The following VTCN1 variants were observed in gnomAD, a reference collection of about 807,000 sequenced individuals.
VTCN1 encodes V-set domain containing T cell activation inhibitor 1.
VTCN1 carries 26 observed loss-of-function variants against 26.5 expected under a neutral mutation model. The observed-to-expected ratio is 0.98, with a 90% CI of 0.72 to 1.36. The LOEUF is 1.36. Ranked by LOEUF, VTCN1 falls within the 40% of genes most tolerant of loss-of-function variation. VTCN1 has a pLI of 0.00. For missense variants in VTCN1, 298 were observed against 337.7 expected, an observed-to-expected ratio of 0.88 and a Z score of 0.92; for synonymous variants, 116 against 130.7, an observed-to-expected ratio of 0.89 and a Z score of 0.77.
intron 1 of VTCN1, 121 bp downstream of exon 1, chr1:117,210,703 G>A: frequency 6.4e-6 from 7 of 1,093,054 alleles, no homozygotes; most frequent in Middle Eastern, 2.1e-4. Context: ...CTGGCCCAAT[G>A]CTGGATCAGA....
At chr1:117,191,557 C>A (rs1648245338) in intron 1 of VTCN1, among the ~76,000 whole-genome samples, 1 of 152,054 alleles carries the variant, frequency 6.6e-6, no homozygotes, top group Non-Finnish European at 1.5e-5. Context: ...CCAAGGTGGG[C>A]AGATCACCTG....
At chr1:117,184,243 A>G (rs1435660687) in intron 1 of VTCN1, among the ~76,000 whole-genome samples, 2 of 152,120 alleles carry the variant, frequency 1.3e-5, no homozygotes, top group Non-Finnish European at 2.9e-5. Context: ...CCAAGCTATC[A>G]AGAACCTTAA....
intron 1 of VTCN1, among the ~76,000 whole-genome samples, chr1:117,185,774 T>A (rs1647911541): frequency 1.3e-5 from 2 of 152,264 alleles, no homozygotes; most frequent in Admixed American, 1.3e-4. Flanking sequence ...AGTAACTCTT[T>A]CAACCATTTG....
intron 2 of VTCN1, among the ~76,000 whole-genome samples, chr1:117,158,357 G>A (rs925329833): frequency 2.0e-5 from 3 of 152,168 alleles, no homozygotes; most frequent in East Asian, 3.8e-4. Context: ...GTGGAGGTTC[G>A]CAAACCCCAA....
At chr1:117,189,874 C>T (rs974516446) in intron 1 of VTCN1, among the ~76,000 whole-genome samples, 2 of 148,300 alleles carry the variant, frequency 1.3e-5, no homozygotes, top group Non-Finnish European at 3.0e-5. Context: ...TTGGAATCCA[C>T]GTAGGAGGTT....
intron 4 of VTCN1, among the ~76,000 whole-genome samples, chr1:117,151,568 ATTTTACAGAGTGCTGATTGGTTCAT>A (rs1000868040): frequency 4.6e-5 from 7 of 152,162 alleles, no homozygotes; most frequent in African/African-American, 1.4e-4. Context: ...TGATTGGTCC[ATTTTACAGAGTGCTGATTGGTTCAT>A]TTTTACAGAG....
At chr1:117,154,597 AAC>A (rs1651970167) in intron 3 of VTCN1, among the ~76,000 whole-genome samples, 1 of 152,078 alleles carries the variant, frequency 6.6e-6, no homozygotes, top group Non-Finnish European at 1.5e-5. Flanking sequence ...CAGCCTGACC[AAC>A]ATGAAGAAAC....
chr1:117,187,526 A>G (rs1006796425), intron 1 of VTCN1, among the ~76,000 whole-genome samples: 4 of 152,262 alleles, frequency 2.6e-5, no homozygotes, highest in Admixed American at 2.0e-4. Context: ...GCTTCCCTCC[A>G]GATAATTTTT....
At chr1:117,177,510 G>A (rs1647418244) in intron 1 of VTCN1, among the ~76,000 whole-genome samples, 1 of 152,158 alleles carries the variant, frequency 6.6e-6, no homozygotes, top group Admixed American at 6.6e-5. Context: ...GGCTTGAGGG[G>A]TGTGTGTGGA....
intron 1 of VTCN1, among the ~76,000 whole-genome samples, chr1:117,181,419 C>T (rs12034996): frequency 0.041 from 6,290 of 152,238 alleles, 322 homozygotes; most frequent in East Asian, 0.16. Context: ...TTAAATGCAC[C>T]GAGCTATTTT....
intron 4 of VTCN1, among the ~76,000 whole-genome samples, chr1:117,151,526 C>A (rs1341401305): frequency 2.6e-5 from 4 of 152,308 alleles, no homozygotes; most frequent in South Asian, 4.1e-4. Context: ...GCCCCGCCCA[C>A]TTCCTGCCTA....
intron 4 of VTCN1, among the ~76,000 whole-genome samples, chr1:117,151,741 CT>C (rs1227052668): frequency 1.3e-5 from 2 of 152,012 alleles, no homozygotes; most frequent in African/African-American, 4.8e-5. Context: ...CTCAGTAGTT[CT>C]TTTTTTTAAT....
Position 117,183,842 on chromosome 1 carries a change from C to T in VTCN1, c.33-13671G>A, listed in dbSNP as rs1647791482. 6.6e-6 allele frequency among the ~76,000 whole-genome samples: 1 copy of T among 151,960 alleles called. No homozygotes were observed. Among genetic ancestry groups the T allele is most frequent in the Non-Finnish European group, 1.5e-5 (1 of 68,002 alleles). ...CACATTTTTGGGTACTTCATTTTTG[C>T]CAGCAAGAAAAATGAGGGAGATTTG... On this transcript the variant is annotated intron_variant, in intron 1 of 5. Transcript: ENST00000369458. The surrounding 1 kb of genome is among the most constrained non-coding windows in gnomAD (Gnocchi z 4.1).
intron 1 of VTCN1, among the ~76,000 whole-genome samples, chr1:117,194,025 C>T (rs2101584847): frequency 6.6e-6 from 1 of 152,220 alleles, no homozygotes; most frequent in Admixed American, 6.5e-5. Flanking sequence ...AAGTGGAATA[C>T]TTCAAACTAG....
intron 1 of VTCN1, among the ~76,000 whole-genome samples, chr1:117,178,654 C>T (rs1406143125): frequency 7.9e-6 from 1 of 127,116 alleles, no homozygotes; most frequent in Non-Finnish European, 1.5e-5. Flanking sequence ...AGTGCAGTTG[C>T]ACAGTCATAT....
At chr1:117,194,529 A>C (rs1376710213) in intron 1 of VTCN1, among the ~76,000 whole-genome samples, 2 of 152,226 alleles carry the variant, frequency 1.3e-5, no homozygotes, top group African/African-American at 4.8e-5. Flanking sequence ...GTATATATCC[A>C]AAGGAAATGT....
chr1:117,151,009 A>G (rs1557859287), intron 4 of VTCN1, among the ~76,000 whole-genome samples: 2 of 152,048 alleles, frequency 1.3e-5, no homozygotes, highest in African/African-American at 2.4e-5. Flanking sequence ...TTGTTTATCT[A>G]CTCATCTACT....
At chr1:117,151,282 G>A (rs543939349) in intron 4 of VTCN1, among the ~76,000 whole-genome samples, 2 of 151,416 alleles carry the variant, frequency 1.3e-5, no homozygotes, top group African/African-American at 4.9e-5. Flanking sequence ...CAGATATGGT[G>A]CATCTGGAGT....
intron 1 of VTCN1, among the ~76,000 whole-genome samples, chr1:117,208,685 G>C (rs901206417): frequency 1.3e-5 from 2 of 152,168 alleles, no homozygotes; most frequent in African/African-American, 4.8e-5. Flanking sequence ...AGCCATGATG[G>C]GGAGAGGGGA....
Sources: gnomAD v4.1 joint callset for allele counts (sites outside exome capture counted in the v4.1 genomes callset) on GRCh38, gnomAD v4.1.1 for gene constraint, Gnocchi (gnomAD v3.1) non-coding constraint, MANE v1.5 for transcripts, NCBI Gene and HGNC (gene_info 2026-07-23, HGNC 2026-07-21) for gene names.